TDRD6: variants seen among roughly 807,000 people sequenced by gnomAD.
TDRD6 encodes the protein tudor domain-containing protein 6.
In TDRD6, 186 loss-of-function variants were observed where a neutral mutation model predicts 157.5. That is an observed-to-expected ratio of 1.18 (90% CI 1.05 to 1.33). TDRD6 has a LOEUF of 1.33. Ranked by LOEUF, TDRD6 falls within the 40% of genes most tolerant of loss-of-function variation. The pLI is 0.00. For synonymous variants in TDRD6, 1,075 were observed against 945.2 expected (o/e 1.14, Z -2.52); for missense variants, 3,066 against 2,508.0 (o/e 1.22, Z -4.75).
At chr6:46,685,605 G>A (rs1168925954), upstream of TDRD6, among the ~76,000 whole-genome samples, 2 of 151,922 alleles carry the variant, frequency 1.3e-5, no homozygotes, top group East Asian at 1.9e-4. Context: ...TTCACATACC[G>A]GGGCCTGTCA....
chr6:46,686,876 A>G (rs1350336525), upstream of TDRD6, among the ~76,000 whole-genome samples: 1 of 152,246 alleles, frequency 6.6e-6, no homozygotes, highest in Non-Finnish European at 1.5e-5. Context: ...GGTGATGTGG[A>G]AGCACATGGT....
Position 46,688,413 on chromosome 6 carries a change from T to G in TDRD6, c.285T>G (p.Arg95=). Residue 95 remains arginine, a synonymous_variant, in exon 1 of 4, where the codon CGT becomes CGG. Transcript: ENST00000316081. The part of the protein sequence containing the change: ...RVVSRQAQES[R]VFLLDEGRTI... ...TCAGCCGGCAGGCACAGGAGAGCCG[T>G]GTCTTCCTGCTGGACGAGGGCCGCA... 6.5e-7 allele frequency: 1 copy of G among 1,539,612 alleles called. No homozygotes were observed. The highest frequency in any genetic ancestry group is 8.7e-7 in the Non-Finnish European group (1 of 1,145,736).
In TDRD6 at chr6:46,690,316, A is replaced by C. The variant is rs778606498; in HGVS notation, c.2188A>C (p.Thr730Pro). The change falls in exon 1 of 4, where the codon ACA becomes CCA. Residue 730 changes from threonine (T) to proline (P), a missense_variant. By Grantham distance (38) the Thr-to-Pro change is conservative. Transcript: ENST00000316081. ...AGCTTTGAGTGACACAACAGTTGTA[A>C]CAAATGGTTCAACTGAACTAGTTGT... ...SKALSDTTVV[T>P]NGSTELVVQE... is the part of the protein sequence containing the mutation. 6 of 1,613,314 alleles carry C rather than the reference A, an allele frequency of 3.7e-6. No individual in the cohort carries two copies. The highest frequency in any genetic ancestry group is 4.2e-6 in the Non-Finnish European group (5 of 1,180,004).
chr6:46,695,185 G>A (rs925068736), intron 1 of TDRD6, among the ~76,000 whole-genome samples: 6 of 152,024 alleles, frequency 3.9e-5, no homozygotes, highest in Non-Finnish European at 8.8e-5. Context: ...AAATCAACAA[G>A]AAGTGATCAA....
In TDRD6 at chr6:46,688,643, A is replaced by C. The variant is rs199841978; in HGVS notation, c.515A>C (p.Asp172Ala). The change falls in exon 1 of 4, where the codon GAC (aspartate) becomes GCC (alanine). Residue 172 changes from aspartate to alanine, a missense_variant. Physicochemically the swap from Asp to Ala is moderately radical, Grantham distance 126. Coordinates refer to ENST00000316081, the MANE Select transcript of TDRD6 (RefSeq NM_001010870.3). ...AAGGAGGTGCACGGGTGCGTCCTGGACGTGCTGCTGCTCCATCGCCTGGTC... is the reference window on the plus strand; with the variant it reads ...AAGGAGGTGCACGGGTGCGTCCTGGCCGTGCTGCTGCTCCATCGCCTGGTC... ...QGKEVHGCVL[D>A]VLLLHRLVLL... is the part of the protein sequence containing the mutation. 1.3e-6 allele frequency: 2 copies of C among 1,599,166 alleles called. No homozygotes were observed. The highest frequency in any genetic ancestry group is 1.7e-6 in the Non-Finnish European group (2 of 1,179,870).
In TDRD6 at chr6:46,692,715, T is replaced by C; in HGVS notation, c.4587T>C (p.Asp1529=). ...TAAGAGCTTATGCCACTGTGATAGA[T>C]GGACCTGAGTACTTTTGGTGTCAGT... ...KMIRAYATVI[D]GPEYFWCQFA... is the part of the protein sequence containing the mutation. Residue 1529 remains aspartate, a synonymous_variant, in exon 1 of 4, where the codon GAT becomes GAC. Transcript: ENST00000316081. 1 of 1,614,192 alleles carries C rather than the reference T, an allele frequency of 6.2e-7. No individual in the cohort carries two copies. The highest frequency in any genetic ancestry group is 8.5e-7 in the Non-Finnish European group (1 of 1,180,032).
Position 46,695,954 on chromosome 6 carries a change from T to A in TDRD6, c.6171+9T>A, listed in dbSNP as rs751096985. The A allele has an allele frequency of 6.2e-6, 10 of 1,609,176 alleles. No individual in the cohort carries two copies. In the East Asian group the frequency reaches 2.2e-4, roughly 36 times the overall value. On this transcript the variant is annotated intron_variant, in intron 2 of 3. Coordinates refer to ENST00000316081, the MANE Select transcript of TDRD6 (RefSeq NM_001010870.3). ...CTGAAGAAGGAACAAGGGTAAGTGA[T>A]GTTTAAGTACTTTATCTCCAAATGT...
At chr6:46,682,468 C>A in the TDRD6 span, among the ~76,000 whole-genome samples, 3 of 151,804 alleles carry the variant, frequency 2.0e-5, no homozygotes, top group African/African-American at 7.2e-5. Flanking sequence ...CTAATCTGTA[C>A]TGAAGGTCTT....
At position 46,693,376 on chromosome 6, in the gene TDRD6, C is replaced by T. The variant is rs770831693; in HGVS notation, c.5248C>T (p.Leu1750Phe). The change falls in exon 1 of 4, where the codon CTT (leucine) becomes TTT (phenylalanine). Residue 1750 changes from leucine to phenylalanine, a missense_variant. By Grantham distance (22) the Leu-to-Phe change is conservative. Coordinates refer to ENST00000316081, the MANE Select transcript of TDRD6 (RefSeq NM_001010870.3). ...KIYMEQQTDELAEITEKDVNI... is the reference protein window; with the variant it reads ...KIYMEQQTDEFAEITEKDVNI... Reference sequence around the variant, plus strand: ...ATATATGGAACAACAGACAGATGAGCTTGCTGAAATAACTGAAAAAGATGT... The same window carrying T: ...ATATATGGAACAACAGACAGATGAGTTTGCTGAAATAACTGAAAAAGATGT... The T allele has an allele frequency of 1.2e-6, 2 of 1,612,184 alleles. No homozygotes were observed. The highest frequency in any genetic ancestry group is 1.7e-6 in the Non-Finnish European group (2 of 1,179,578).
At chr6:46,700,957 G>A (rs763670585) in intron 3 of TDRD6, 30 of 380,430 alleles carry the variant, frequency 7.9e-5, no homozygotes, top group Admixed American at 2.5e-4. Context: ...TTTTGTACTC[G>A]TGATAAAGAA....
At position 46,688,202 on chromosome 6, in the gene TDRD6, C is replaced by T. The variant is rs1252950052; in HGVS notation, c.74C>T (p.Pro25Leu). Residue 25 changes from proline (P) to leucine (L), a missense_variant, in exon 1 of 4, where the codon CCC becomes CTC. Transcript: ENST00000316081. ...CGGGTGTCCTTCGTGGACGTGCATC[C>T]CGATGTGATCCCGGTGCAGCTGTGG... is the stretch of plus-strand genomic sequence containing the variant. ...ALRVSFVDVH[P>L]DVIPVQLWGL... is the part of the protein sequence containing the mutation. 1.3e-6 allele frequency: 2 copies of T among 1,545,636 alleles called. No individual in the cohort carries two copies. Among genetic ancestry groups the T allele is most frequent in the Non-Finnish European group, 8.7e-7 (1 of 1,152,046 alleles).
In TDRD6 at chr6:46,694,174, G is replaced by A; in HGVS notation, c.6046G>A (p.Ala2016Thr). 1 of 1,511,404 alleles carries A rather than the reference G, an allele frequency of 6.6e-7. No homozygotes were observed. The highest frequency in any genetic ancestry group is 1.4e-5 in the African/African-American group (1 of 71,040). The allele number at this position is 1,511,404 out of a possible 1,614,324, so 93.6% of individuals were successfully genotyped here. The change falls in exon 1 of 4, where the codon GCT (alanine) becomes ACT (threonine). Residue 2016 changes from alanine to threonine, a missense_variant and splice_region_variant. Coordinates refer to ENST00000316081, the MANE Select transcript of TDRD6 (RefSeq NM_001010870.3). ...TAATGGTTTACCAGATCATATCTCA[G>A]GTATGTGAATTTTTTTTCCTTTTTA... is the stretch of plus-strand genomic sequence containing the variant. ...HNNGLPDHIS[A>T]QLQNTYTLKA...
chr6:46,701,782 G>T, intron 3 of TDRD6, 76 bp from the exon 4 acceptor site: 1 of 1,460,714 alleles, frequency 6.8e-7, no homozygotes, highest in South Asian at 1.2e-5. Flanking sequence ...CATTTGTCAT[G>T]GTAACACCCA....
In TDRD6 at chr6:46,690,696, C is replaced by CA; in HGVS notation, c.2569dup (p.Arg857LysfsTer13). On this transcript the variant is annotated frameshift_variant, in exon 1 of 4. Transcript: ENST00000316081. LOFTEE classifies it high-confidence loss of function. ...ATGTAACATTTGTAGATTATGGAGA[C>CA]AGAGAAATGGTATCTGTGAAGAATA... The CA allele has an allele frequency of 6.2e-7, 1 of 1,614,086 alleles. No individual in the cohort carries two copies. The highest frequency in any genetic ancestry group is 8.5e-7 in the Non-Finnish European group (1 of 1,179,994).
Position 46,689,149 on chromosome 6 carries a change from G to C in TDRD6, c.1021G>C (p.Ala341Pro). Residue 341 changes from alanine to proline, a missense_variant, in exon 1 of 4, where the codon GCC becomes CCC. By Grantham distance (27) the Ala-to-Pro change is conservative. Transcript: ENST00000316081. The part of the protein sequence containing the change: ...LLETFRPQRC[A>P]QVLHVDYGRK... ...TGAGACTTTTCGGCCCCAGCGCTGT[G>C]CCCAGGTGCTTCATGTGGACTATGG... is the stretch of plus-strand genomic sequence containing the variant. The C allele has an allele frequency of 1.9e-6, 3 of 1,614,200 alleles. No individual in the cohort carries two copies. Among genetic ancestry groups the C allele is most frequent in the Non-Finnish European group, 2.5e-6 (3 of 1,180,028 alleles).
At chr6:46,696,511 G>A (rs7453317) in intron 2 of TDRD6, among the ~76,000 whole-genome samples, 28 of 117,204 alleles carry the variant, frequency 2.4e-4, no homozygotes, top group African/African-American at 8.2e-4. Flanking sequence ...TAATATATAT[G>A]TATATATATG....
Position 46,688,884 on chromosome 6 carries a change from G to A in TDRD6, c.756G>A (p.Glu252=), listed in dbSNP as rs1167477170. ...CCCAGCTGCAGCTGGGCGTGACGGAGGCCGTGGTCATAACCCAAGTGTGCC... is the reference window on the plus strand; with the variant it reads ...CCCAGCTGCAGCTGGGCGTGACGGAAGCCGTGGTCATAACCCAAGTGTGCC... The part of the protein sequence containing the change: ...FYPQLQLGVT[E]AVVITQVCHP... Residue 252 remains glutamate, a synonymous_variant, in exon 1 of 4, where the codon GAG becomes GAA. Transcript: ENST00000316081. 6.2e-7 allele frequency: 1 copy of A among 1,606,026 alleles called. No individual in the cohort carries two copies. Among genetic ancestry groups the A allele is most frequent in the Non-Finnish European group, 8.5e-7 (1 of 1,174,536 alleles).
chr6:46,688,404 G>A lies in TDRD6; in HGVS notation c.276G>A (p.Gln92=). ...GCCGCGTGGTCAGCCGGCAGGCACA[G>A]GAGAGCCGTGTCTTCCTGCTGGACG... ...HRCRVVSRQA[Q]ESRVFLLDEG... is the part of the protein sequence containing the mutation. Residue 92 remains glutamine (Q), a synonymous_variant, in exon 1 of 4, where the codon CAG becomes CAA. Coordinates refer to ENST00000316081, the MANE Select transcript of TDRD6 (RefSeq NM_001010870.3). The A allele has an allele frequency of 1.9e-6, 3 of 1,538,592 alleles. No individual in the cohort carries two copies. The highest frequency in any genetic ancestry group is 1.7e-6 in the Non-Finnish European group (2 of 1,145,626).
At chr6:46,694,264 G>A in intron 1 of TDRD6, 90 bp downstream of exon 1, 1 of 972,702 alleles carries the variant, frequency 1.0e-6, no homozygotes, top group Non-Finnish European at 1.5e-6. Flanking sequence ...GTGCAGTGGT[G>A]TGATCTTGGC....
Sources: gnomAD v4.1 joint callset for allele counts (sites outside exome capture counted in the v4.1 genomes callset) on GRCh38, gnomAD v4.1.1 for gene constraint, MANE v1.5 for transcripts, NCBI Gene and HGNC (gene_info 2026-07-23, HGNC 2026-07-21) for gene names.